ALDH4A1: variants seen among roughly 807,000 people sequenced by gnomAD.
ALDH4A1 encodes the protein delta-1-pyrroline-5-carboxylate dehydrogenase, mitochondrial.
ALDH4A1 carries 46 observed loss-of-function variants against 70.5 expected under a neutral mutation model. The ratio of observed to expected loss-of-function variants is 0.65; its 90% CI spans 0.51 to 0.83. The LOEUF is 0.83. Among genes scored for constraint, ALDH4A1 ranks in the 40% least tolerant of loss-of-function variants. The probability of loss-of-function intolerance (pLI) is 0.00; values close to 1 mark genes in which losing one functional copy is unlikely to be tolerated. For synonymous variants in ALDH4A1, 323 were observed against 324.3 expected (o/e 1.00, Z 0.04); for missense variants, 749 against 766.5 (o/e 0.98, Z 0.27).
At chr1:18,891,392 C>A (rs1935425639) in intron 1 of ALDH4A1, among the ~76,000 whole-genome samples, 1 of 152,180 alleles carries the variant, frequency 6.6e-6, no homozygotes, top group African/African-American at 2.4e-5. Flanking sequence ...GGGAAACCTG[C>A]ACTTGAGTCC....
chr1:18,877,602 TCC>T lies in ALDH4A1; in HGVS notation c.949_950del (p.Gly317LysfsTer76). ...AGCGGTGCACGAAGTGGAAGTTCTT[TCC>T]GCCGCACTCTACAGGGGTCGGGGGT... Reference protein sequence around the residue: ...TFPRLAGECGGKNFHFVHRSA... With the variant: ...TFPRLAGECGXKNFHFVHRSA... On this transcript the variant is annotated frameshift_variant, in exon 10 of 15. Transcript: ENST00000375341. LOFTEE classifies it high-confidence loss of function. 1.3e-6 allele frequency: 1 copy of T among 792,212 alleles called. No individual in the cohort carries two copies. The highest frequency in any genetic ancestry group is 2.1e-6 in the Non-Finnish European group (1 of 487,508). 49.1% of individuals were successfully genotyped at this position (792,212 alleles called of 1,614,324 possible). A position where few individuals can be genotyped will look rare whatever the true frequency, so the allele number is the denominator to read the frequency against.
At chr1:18,902,382 C>T (rs1009764804) in intron 1 of ALDH4A1, 80 bp downstream of exon 1, 162 of 1,183,312 alleles carry the variant, frequency 1.4e-4, no homozygotes, top group Non-Finnish European at 1.7e-4. Flanking sequence ...GGGAGTGCGG[C>T]GCGGGGGACG....
At position 18,880,460 on chromosome 1, in the gene ALDH4A1, T is replaced by C. The variant is rs975008561; in HGVS notation, c.867-1087A>G. ...TCCCTGCATCCTTCTCACCTGAACC[T>C]GCCCCCTTCTCCACATCCCCCATCT... is the stretch of plus-strand genomic sequence containing the variant. On this transcript the variant is annotated intron_variant, in intron 8 of 14. Transcript: ENST00000375341. This position sits in a 1 kb window ranked among gnomAD's most constrained non-coding sequence, Gnocchi z 5.1. 6.6e-6 allele frequency among the ~76,000 whole-genome samples: 1 copy of C among 151,576 alleles called. No homozygotes were observed. Among genetic ancestry groups the C allele is most frequent in the Admixed American group, 6.6e-5 (1 of 15,230 alleles).
rs1473816212 is a variant in ALDH4A1, at chr1:18,880,190, AG to A, written c.867-818del. Among the ~76,000 whole-genome samples, 6 of 152,088 alleles carry A rather than the reference AG, an allele frequency of 3.9e-5. No homozygotes were observed. The highest frequency in any genetic ancestry group is 7.4e-5 in the Non-Finnish European group (5 of 67,980). On this transcript the variant is annotated intron_variant, in intron 8 of 14. Coordinates refer to ENST00000375341, the MANE Select transcript of ALDH4A1 (RefSeq NM_003748.4). The surrounding 1 kb of genome is among the most constrained non-coding windows in gnomAD (Gnocchi z 5.1). The stretch of plus-strand genomic sequence containing the variant: ...CCCACCCCCAGCAAAGCTGCGGGGA[AG>A]GGGGTGGCAGAGCCTGGGGCCTGGA...
In ALDH4A1 at chr1:18,902,546, T is replaced by G; in HGVS notation, c.-23A>C. 6.8e-7 allele frequency: 1 copy of G among 1,476,734 alleles called. No homozygotes were observed. Among genetic ancestry groups the G allele is most frequent in the Non-Finnish European group, 9.0e-7 (1 of 1,112,674 alleles). 91.5% of individuals were successfully genotyped at this position (1,476,734 alleles called of 1,614,324 possible). A position where few individuals can be genotyped will look rare whatever the true frequency, so the allele number is the denominator to read the frequency against. On this transcript the variant is annotated 5_prime_UTR_variant, in exon 1 of 15. Transcript: ENST00000375341. The stretch of plus-strand genomic sequence containing the variant: ...CATCTCGGGTTAGAAGCGGGGCTGT[T>G]CGCTGGATCGTCCGCCCGGGCGCGG...
chr1:18,896,481 C>T (rs951507260), intron 1 of ALDH4A1, among the ~76,000 whole-genome samples: 11 of 152,208 alleles, frequency 7.2e-5, no homozygotes, highest in Admixed American at 3.9e-4. Flanking sequence ...TTCATGCAGC[C>T]TCCTGACTTT....
rs558857268 is a variant in ALDH4A1, at chr1:18,891,421, C to G, written c.63-1316G>C. Among the ~76,000 whole-genome samples the G allele has an allele frequency of 1.3e-4, 20 of 152,272 alleles. No individual in the cohort carries two copies. In the South Asian group the frequency reaches 4.2e-3, roughly 32 times the overall value. On this transcript the variant is annotated intron_variant, in intron 1 of 14. Coordinates refer to ENST00000375341, the MANE Select transcript of ALDH4A1 (RefSeq NM_003748.4). ...TGAGTCCAGAAGGCCCAGATACCATCTCTCTCTGGTGTCAATGGCCCCAGA... is the reference window on the plus strand; with the variant it reads ...TGAGTCCAGAAGGCCCAGATACCATGTCTCTCTGGTGTCAATGGCCCCAGA...
At position 18,885,629 on chromosome 1, in the gene ALDH4A1, C is replaced by T; in HGVS notation, c.298-1G>A. 4 of 1,613,880 alleles carry T rather than the reference C, an allele frequency of 2.5e-6. No homozygotes were observed. Among genetic ancestry groups the T allele is most frequent in the Non-Finnish European group, 3.4e-6 (4 of 1,179,992 alleles). ...CCTCAATGGCTTTGTTGAGCAGGCT[C>T]TAAAGGGAGAGGGAGAGGTTGGGGA... On this transcript the variant is annotated splice_acceptor_variant, in intron 4 of 14. Transcript: ENST00000375341. LOFTEE classifies it high-confidence loss of function.
At chr1:18,901,441 A>AG (rs547982028) in intron 1 of ALDH4A1, among the ~76,000 whole-genome samples, 171 of 150,118 alleles carry the variant, frequency 1.1e-3, no homozygotes, top group African/African-American at 4.0e-3. Flanking sequence ...CTCAAATGGG[A>AG]GGGGGGGCTG....
At chr1:18,886,627 C>G in intron 3 of ALDH4A1, 116 bp from the exon 4 acceptor site, 1 of 1,099,092 alleles carries the variant, frequency 9.1e-7, no homozygotes, top group South Asian at 1.3e-5. Flanking sequence ...CTGCTGTCCC[C>G]CCTCCCCCGC....
chr1:18,878,630 C>T (rs28657562), intron 9 of ALDH4A1, among the ~76,000 whole-genome samples: 50,060 of 152,102 alleles, frequency 0.33, 8,741 homozygotes, highest in East Asian at 0.62. Flanking sequence ...TTTGCAGAAA[C>T]GGGGTTCCAT....
chr1:18,892,350 C>T (rs1321957928), intron 1 of ALDH4A1, among the ~76,000 whole-genome samples: 1 of 152,256 alleles, frequency 6.6e-6, no homozygotes, highest in Non-Finnish European at 1.5e-5. Flanking sequence ...GACAGCGAGG[C>T]CCCTGGCTGC....
chr1:18,884,204 G>A (rs1935101900), intron 5 of ALDH4A1, among the ~76,000 whole-genome samples: 2 of 152,208 alleles, frequency 1.3e-5, no homozygotes, highest in Admixed American at 6.5e-5. Flanking sequence ...TCCCAGCAAC[G>A]TGCGGCTCAC....
rs553318512 is a variant in ALDH4A1, at chr1:18,872,622, C to T, written c.*223G>A. 2.9e-4 allele frequency: 136 copies of T among 476,206 alleles called. 2 individuals are homozygous for T. The South Asian group carries it at 3.1e-3, about 11-fold the overall frequency. The allele number at this position is 476,206 out of a possible 1,614,324, so 29.5% of individuals were successfully genotyped here. ...ACCAGGGTCATACCTCCCACATGGC[C>T]GATGGGATAAGGGGTAGTGGCCATG... On this transcript the variant is annotated 3_prime_UTR_variant, in exon 15 of 15. Coordinates refer to ENST00000375341, the MANE Select transcript of ALDH4A1 (RefSeq NM_003748.4).
Position 18,877,568 on chromosome 1 carries a change from C to T in ALDH4A1, c.985G>A (p.Val329Met), listed in dbSNP as rs144311914. The change falls in exon 10 of 15, where the codon GTG becomes ATG. Residue 329 changes from valine to methionine, a missense_variant. Coordinates refer to ENST00000375341, the MANE Select transcript of ALDH4A1 (RefSeq NM_003748.4). ...AGGGTCCCGCTCACCACGCTCTCCA[C>T]GTCGGCCGAGCGGTGCACGAAGTGG... The part of the protein sequence containing the change: ...NFHFVHRSAD[V>M]ESVVSGTLRS... 7 of 1,611,610 alleles carry T rather than the reference C, an allele frequency of 4.3e-6. No homozygotes were observed. The highest frequency in any genetic ancestry group is 2.2e-5 in the East Asian group (1 of 44,862).
At chr1:18,874,082 G>A (rs914444149) in intron 14 of ALDH4A1, among the ~76,000 whole-genome samples, 2 of 152,222 alleles carry the variant, frequency 1.3e-5, no homozygotes, top group East Asian at 3.9e-4. Context: ...CCTGGGTTCA[G>A]CCCTGGCTCT....
chr1:18,889,670 C>G (rs113359603), intron 2 of ALDH4A1, among the ~76,000 whole-genome samples: 1,905 of 152,308 alleles, frequency 0.013, 34 homozygotes, highest in Non-Finnish European at 0.017. Flanking sequence ...TGAGGTCTAC[C>G]CATGACACAG....
At chr1:18,884,586 A>G (rs999022926) in intron 5 of ALDH4A1, among the ~76,000 whole-genome samples, 1 of 152,202 alleles carries the variant, frequency 6.6e-6, no homozygotes, top group Non-Finnish European at 1.5e-5. Context: ...ACCATTGATC[A>G]GGGGCTTGCT....
chr1:18,899,102 G>A (rs1436723378), intron 1 of ALDH4A1, among the ~76,000 whole-genome samples: 3 of 152,184 alleles, frequency 2.0e-5, no homozygotes, highest in Non-Finnish European at 4.4e-5. Flanking sequence ...TGGGCTCACC[G>A]AGGTGGCCAG....
Sources: gnomAD v4.1 joint callset for allele counts (sites outside exome capture counted in the v4.1 genomes callset) on GRCh38, gnomAD v4.1.1 for gene constraint, Gnocchi (gnomAD v3.1) non-coding constraint, MANE v1.5 for transcripts, NCBI Gene and HGNC (gene_info 2026-07-23, HGNC 2026-07-21) for gene names.